GADL1: variants seen among roughly 807,000 people sequenced by gnomAD.
GADL1 encodes GAD like acidic amino acid decarboxylase 1, also known as acidic amino acid decarboxylase GADL1.
Under a neutral mutation model 69.5 loss-of-function variants are expected in GADL1, and 71 were observed. The ratio of observed to expected loss-of-function variants is 1.02; its 90% CI spans 0.84 to 1.25. The LOEUF (loss-of-function observed/expected upper bound fraction) is 1.25, where lower values mean the gene tolerates loss of function less well. Ranked by LOEUF, GADL1 falls within the 50% of genes most tolerant of loss-of-function variation. The pLI, the probability that GADL1 is intolerant of heterozygous loss-of-function variation, is 0.00. For missense variants in GADL1, 737 were observed against 631.8 expected, an observed-to-expected ratio of 1.17 and a Z score of -1.79; for synonymous variants, 254 against 214.4, an observed-to-expected ratio of 1.18 and a Z score of -1.62.
At chr3:30,830,561 T>C (rs1401524558) in intron 11 of GADL1, among the ~76,000 whole-genome samples, 1 of 151,892 alleles carries the variant, frequency 6.6e-6, no homozygotes, top group Non-Finnish European at 1.5e-5. Context: ...TCATGGGGAA[T>C]CCTTCCTCCT....
At chr3:30,855,994 TTA>T (rs1390961662) in intron 3 of GADL1, among the ~76,000 whole-genome samples, 2 of 151,870 alleles carry the variant, frequency 1.3e-5, no homozygotes, top group Non-Finnish European at 2.9e-5. Context: ...CTGTGTTAAT[TTA>T]TGATTGATTT....
At chr3:30,831,123 A>G (rs984171812) in intron 11 of GADL1, among the ~76,000 whole-genome samples, 1 of 151,862 alleles carries the variant, frequency 6.6e-6, no homozygotes, top group Non-Finnish European at 1.5e-5. Flanking sequence ...CATTGTCCTA[A>G]ATGAAAATTT....
At chr3:30,800,867 A>G (rs780211981) in intron 12 of GADL1, 22 bp downstream of exon 12, 5 of 1,570,622 alleles carry the variant, frequency 3.2e-6, no homozygotes, top group Non-Finnish European at 4.3e-6. Flanking sequence ...AGAGAGAGAG[A>G]GAGAGAGAGA....
At chr3:30,893,122 C>T (rs1698806695) in intron 1 of GADL1, among the ~76,000 whole-genome samples, 1 of 152,246 alleles carries the variant, frequency 6.6e-6, no homozygotes, top group Non-Finnish European at 1.5e-5. Context: ...TCCCAAAGTG[C>T]TGGGATTATA....
At chr3:30,811,440 C>T (rs923237526) in intron 11 of GADL1, among the ~76,000 whole-genome samples, 1 of 152,194 alleles carries the variant, frequency 6.6e-6, no homozygotes, top group Non-Finnish European at 1.5e-5. Context: ...AATCGGTCTT[C>T]TCTCTTAGGA....
chr3:30,741,604 C>A (rs765284036), intron 14 of GADL1, among the ~76,000 whole-genome samples: 13 of 152,094 alleles, frequency 8.5e-5, no homozygotes, highest in Non-Finnish European at 1.8e-4. Context: ...TTACTACCAA[C>A]TTAGTCTCCT....
intron 1 of GADL1, among the ~76,000 whole-genome samples, chr3:30,873,150 T>C (rs891072588): frequency 6.6e-6 from 1 of 151,980 alleles, no homozygotes; most frequent in Non-Finnish European, 1.5e-5. Flanking sequence ...TCTTCTCTAG[T>C]AGCTTTTCTA....
chr3:30,870,408 A>C (rs1698464021), intron 1 of GADL1, among the ~76,000 whole-genome samples: 1 of 151,802 alleles, frequency 6.6e-6, no homozygotes, highest in Non-Finnish European at 1.5e-5. Flanking sequence ...TAAGAAATGG[A>C]AAGAGATAAG....
At chr3:30,810,353 C>T (rs977407211) in intron 11 of GADL1, among the ~76,000 whole-genome samples, 1 of 152,118 alleles carries the variant, frequency 6.6e-6, no homozygotes, top group African/African-American at 2.4e-5. Context: ...CATTTCAATT[C>T]ATGAGACTAT....
chr3:30,826,964 C>T (rs573479971), intron 11 of GADL1, among the ~76,000 whole-genome samples: 1 of 151,928 alleles, frequency 6.6e-6, no homozygotes, highest in East Asian at 1.9e-4. Context: ...GTAATGGCTA[C>T]ATCAAGCCAT....
chr3:30,885,987 G>T (rs756093243), intron 1 of GADL1, among the ~76,000 whole-genome samples: 2 of 151,902 alleles, frequency 1.3e-5, no homozygotes, highest in Non-Finnish European at 2.9e-5. Flanking sequence ...AGAAATAATT[G>T]CCAGAAAATT....
intron 6 of GADL1, 144 bp from the exon 7 acceptor site, chr3:30,844,610 C>A: frequency 1.6e-6 from 1 of 635,892 alleles, no homozygotes; most frequent in East Asian, 2.7e-5. Flanking sequence ...TAATTGAGCT[C>A]CTTAGCATAG....
At chr3:30,765,406 A>G (rs1696245431) in intron 14 of GADL1, among the ~76,000 whole-genome samples, 1 of 152,250 alleles carries the variant, frequency 6.6e-6, no homozygotes, top group African/African-American at 2.4e-5. Flanking sequence ...GGAAGCCACA[A>G]TAAGCATATA....
intron 14 of GADL1, among the ~76,000 whole-genome samples, chr3:30,777,758 G>A (rs972243807): frequency 1.3e-5 from 2 of 152,086 alleles, no homozygotes; most frequent in African/African-American, 4.8e-5. Context: ...TAAGACATAG[G>A]GCCTTTGTTG....
At chr3:30,785,918 A>G (rs1466731246) in intron 13 of GADL1, among the ~76,000 whole-genome samples, 1 of 152,220 alleles carries the variant, frequency 6.6e-6, no homozygotes, top group Non-Finnish European at 1.5e-5. Flanking sequence ...CAACATCAGC[A>G]AAATGACTTA....
chr3:30,887,675 T>C (rs1277670096), intron 1 of GADL1, among the ~76,000 whole-genome samples: 4 of 152,180 alleles, frequency 2.6e-5, no homozygotes, highest in Non-Finnish European at 5.9e-5. Flanking sequence ...AGGAAAAATG[T>C]TGAACCGTGA....
intron 11 of GADL1, among the ~76,000 whole-genome samples, chr3:30,804,175 G>A (rs1316588750): frequency 6.6e-6 from 1 of 152,182 alleles, no homozygotes; most frequent in Non-Finnish European, 1.5e-5. Flanking sequence ...TTCAGGCACA[G>A]TTGAATCCGG....
At position 30,728,146 on chromosome 3, in the gene GADL1, A is replaced by T; in HGVS notation, c.*96T>A. The T allele has an allele frequency of 2.7e-6, 3 of 1,119,458 alleles. No individual in the cohort carries two copies. In the South Asian group the frequency reaches 4.3e-5, roughly 16 times the overall value. The allele number at this position is 1,119,458 out of a possible 1,614,324, so 69.3% of individuals were successfully genotyped here. ...GGACTGGGAGTATTCCCTATTTCTCATCAGAAGGGCTGCAATCTACTGTGT... is the reference window on the plus strand; with the variant it reads ...GGACTGGGAGTATTCCCTATTTCTCTTCAGAAGGGCTGCAATCTACTGTGT... On this transcript the variant is annotated 3_prime_UTR_variant, in exon 15 of 15. Transcript: ENST00000282538.
At position 30,844,131 on chromosome 3, in the gene GADL1, A is replaced by G. The variant is rs376006507; in HGVS notation, c.786+79T>C. 27 of 958,662 alleles carry G rather than the reference A, an allele frequency of 2.8e-5. No individual in the cohort carries two copies. In the East Asian group the frequency reaches 3.9e-4, roughly 14 times the overall value. The allele number at this position is 958,662 out of a possible 1,614,324, so 59.4% of individuals were successfully genotyped here. On this transcript the variant is annotated intron_variant, in intron 8 of 14. Transcript: ENST00000282538. ...TGGCTGTTTGCATTCTCTCCTTGCT[A>G]TTCCCTCTCTTTCATAAGCGCGCGG...
Sources: gnomAD v4.1 joint callset for allele counts (sites outside exome capture counted in the v4.1 genomes callset) on GRCh38, gnomAD v4.1.1 for gene constraint, MANE v1.5 for transcripts, NCBI Gene and HGNC (gene_info 2026-07-23, HGNC 2026-07-21) for gene names.